PTPRG: variants seen among roughly 807,000 people sequenced by gnomAD.
PTPRG encodes protein tyrosine phosphatase receptor type G, also known as receptor-type tyrosine-protein phosphatase gamma.
A neutral mutation model predicts 165.3 loss-of-function variants in PTPRG; 102 were observed. The observed-to-expected ratio is 0.62, with a 90% CI of 0.53 to 0.73. The LOEUF (loss-of-function observed/expected upper bound fraction) is 0.73, where lower values mean the gene tolerates loss of function less well. Among genes scored for constraint, PTPRG ranks in the 30% least tolerant of loss-of-function variants. The pLI is 0.00. For missense variants in PTPRG, 1,866 were observed against 1,861.4 expected (o/e 1.00, Z -0.05); for synonymous variants, 675 against 669.5 (o/e 1.01, Z -0.13).
chr3:61,952,941 C>T (rs1206915499), intron 2 of PTPRG, among the ~76,000 whole-genome samples: 1 of 152,144 alleles, frequency 6.6e-6, no homozygotes, highest in Non-Finnish European at 1.5e-5. Context: ...TCTGGAGGAA[C>T]CTTTAAAAAT....
At chr3:61,854,062 C>T (rs2037037014) in intron 2 of PTPRG, among the ~76,000 whole-genome samples, 1 of 152,158 alleles carries the variant, frequency 6.6e-6, no homozygotes, top group Non-Finnish European at 1.5e-5. Context: ...AGAGAAAGGC[C>T]TGTTTGAGAG....
intron 2 of PTPRG, among the ~76,000 whole-genome samples, chr3:61,927,161 T>C (rs1325158252): frequency 6.6e-6 from 1 of 152,224 alleles, no homozygotes; most frequent in Admixed American, 6.5e-5. Flanking sequence ...TTTGATCTTT[T>C]CCATCGGTAG....
At chr3:62,006,793 A>G (rs1466861796) in intron 4 of PTPRG, among the ~76,000 whole-genome samples, 1 of 152,188 alleles carries the variant, frequency 6.6e-6, no homozygotes, top group African/African-American at 2.4e-5. Flanking sequence ...GGCCAGGGAT[A>G]CTGCTATACA....
chr3:62,141,319 G>A (rs977392934), intron 6 of PTPRG, among the ~76,000 whole-genome samples: 2 of 152,162 alleles, frequency 1.3e-5, no homozygotes, highest in Non-Finnish European at 2.9e-5. Context: ...ACCAAGAGAT[G>A]TATAGGCCAG....
Position 62,220,603 on chromosome 3 carries a change from G to A in PTPRG, c.2288+1620G>A, listed in dbSNP as rs966882845. Among the ~76,000 whole-genome samples, 9 of 152,152 alleles carry A rather than the reference G, an allele frequency of 5.9e-5. No individual in the cohort carries two copies. In the East Asian group the frequency reaches 1.7e-3, roughly 29 times the overall value. On this transcript the variant is annotated intron_variant, in intron 13 of 29. Transcript: ENST00000474889. ...TGACGGTAACCATAAGCCCTTTAGT[G>A]CTGCAGACCAGCAAGTTTATGAAGT...
At chr3:62,117,987 C>G (rs1372743677) in intron 5 of PTPRG, among the ~76,000 whole-genome samples, 1 of 152,148 alleles carries the variant, frequency 6.6e-6, no homozygotes, top group Non-Finnish European at 1.5e-5. Flanking sequence ...TCAGTGAATT[C>G]TTGCCATGTG....
chr3:62,029,764 G>C lies in PTPRG; in HGVS notation c.519+26267G>C, dbSNP rs1699702399. On this transcript the variant is annotated intron_variant, in intron 4 of 29. Coordinates refer to ENST00000474889, the MANE Select transcript of PTPRG (RefSeq NM_002841.4). The stretch of plus-strand genomic sequence containing the variant: ...CTGCATCTTTTCTTCAGTAAAATCA[G>C]GTCTTCCTCCATAAGACCTTGCATT... 1.3e-5 allele frequency among the ~76,000 whole-genome samples: 2 copies of C among 152,092 alleles called. 1 individual carries two copies. The highest frequency in any genetic ancestry group is 4.1e-4 in the South Asian group (2 of 4,824).
intron 2 of PTPRG, among the ~76,000 whole-genome samples, chr3:61,873,830 G>T (rs890288704): frequency 6.6e-6 from 1 of 151,600 alleles, no homozygotes; most frequent in Non-Finnish European, 1.5e-5. Context: ...TGCCTTTCTG[G>T]GTTTATGTCC....
rs116491390 is a variant in PTPRG at position 61,687,916 on chromosome 3, A to G, written c.86-60962A>G. ...GAATAGGACAATTTAATCACATGCC[A>G]TTATGTTCATAGGGGTTTGGGAAGC... On this transcript the variant is annotated intron_variant, in intron 1 of 29. Coordinates refer to ENST00000474889, the MANE Select transcript of PTPRG (RefSeq NM_002841.4). Among the ~76,000 whole-genome samples the G allele has an allele frequency of 2.1e-3, 320 of 152,326 alleles. 1 individual carries two copies. Among genetic ancestry groups the G allele is most frequent in the Non-Finnish European group, 2.8e-3 (189 of 68,020 alleles).
intron 4 of PTPRG, among the ~76,000 whole-genome samples, chr3:62,022,100 C>T (rs918537064): frequency 1.3e-5 from 2 of 152,116 alleles, no homozygotes; most frequent in African/African-American, 4.8e-5. Flanking sequence ...GGTCTGAAAA[C>T]TCACAGCCAA....
At chr3:61,622,207 A>T (rs771547935) in intron 1 of PTPRG, among the ~76,000 whole-genome samples, 6 of 152,200 alleles carry the variant, frequency 3.9e-5, no homozygotes, top group Non-Finnish European at 8.8e-5. Flanking sequence ...CTCGCTCAAC[A>T]GGTAATCAAA....
rs751271092 is a variant in PTPRG at position 62,271,470 on chromosome 3, G to A, written c.3097G>A (p.Glu1033Lys). ...ACAGTGGCCTGACATGGGAGTTCCC[G>A]AGTATGCCCTTCCAGTACTGACTTT... ...YTQWPDMGVP[E>K]YALPVLTFVR... Residue 1033 changes from glutamate to lysine, a missense_variant, in exon 21 of 30, where the codon GAG (glutamate) becomes AAG (lysine). Transcript: ENST00000474889. This position sits in a 1 kb window ranked among gnomAD's most constrained non-coding sequence, Gnocchi z 4.1. 5 of 1,613,836 alleles carry A rather than the reference G, an allele frequency of 3.1e-6. No individual in the cohort carries two copies. The highest frequency in any genetic ancestry group is 1.6e-4 in the Middle Eastern group (1 of 6,080).
At chr3:61,999,565 A>G (rs999209771) in intron 3 of PTPRG, among the ~76,000 whole-genome samples, 1 of 152,188 alleles carries the variant, frequency 6.6e-6, no homozygotes, top group Non-Finnish European at 1.5e-5. Context: ...TGCCTTATCC[A>G]GATTCAACTT....
intron 1 of PTPRG, among the ~76,000 whole-genome samples, chr3:61,709,580 G>C (rs1427723704): frequency 1.3e-5 from 2 of 152,140 alleles, no homozygotes; most frequent in East Asian, 3.9e-4. Flanking sequence ...CTCTGAAAGT[G>C]TTAGGATTAC....
chr3:61,802,162 C>T (rs182526579), intron 2 of PTPRG, among the ~76,000 whole-genome samples: 25 of 152,182 alleles, frequency 1.6e-4, no homozygotes, highest in Admixed American at 5.9e-4. Context: ...GACCTTAAAT[C>T]AATTTTTAAA....
intron 2 of PTPRG, among the ~76,000 whole-genome samples, chr3:61,854,395 G>T (rs2037045781): frequency 6.6e-6 from 1 of 152,064 alleles, no homozygotes; most frequent in East Asian, 1.9e-4. Context: ...AATTAATAAG[G>T]GAAGACAGGT....
chr3:61,786,352 G>A (rs916111840), intron 2 of PTPRG, among the ~76,000 whole-genome samples: 4 of 152,210 alleles, frequency 2.6e-5, no homozygotes, highest in African/African-American at 9.6e-5. Flanking sequence ...TTCATGGCAT[G>A]GGAAGCACAT....
intron 2 of PTPRG, among the ~76,000 whole-genome samples, chr3:61,912,056 T>C (rs2038814604): frequency 6.6e-6 from 1 of 152,210 alleles, no homozygotes; most frequent in African/African-American, 2.4e-5. Flanking sequence ...CTTTTCTTTT[T>C]GTGAGTGGTG....
intron 2 of PTPRG, among the ~76,000 whole-genome samples, chr3:61,836,072 A>T (rs58424694): frequency 0.013 from 1,750 of 138,600 alleles, 27 homozygotes; most frequent in African/African-American, 0.036. Context: ...CAAAAAAAAA[A>T]ATATATATAT....
Sources: gnomAD v4.1 joint callset for allele counts (sites outside exome capture counted in the v4.1 genomes callset) on GRCh38, gnomAD v4.1.1 for gene constraint, Gnocchi (gnomAD v3.1) non-coding constraint, MANE v1.5 for transcripts, NCBI Gene and HGNC (gene_info 2026-07-23, HGNC 2026-07-21) for gene names.